HDAC9: variants seen among roughly 807,000 people sequenced by gnomAD.
HDAC9 encodes MEF-2 interacting transcription repressor (MITR) protein.
A neutral mutation model predicts 139.4 loss-of-function variants in HDAC9; 41 were observed. The observed-to-expected ratio is 0.29, with a 90% CI of 0.23 to 0.38. The LOEUF (loss-of-function observed/expected upper bound fraction) is 0.38, where lower values mean the gene tolerates loss of function less well. Among genes scored for constraint, HDAC9 ranks in the 10% least tolerant of loss-of-function variants. HDAC9 has a pLI of 1.00. For missense variants in HDAC9, 1,147 were observed against 1,297.0 expected (o/e 0.88, Z 1.78); for synonymous variants, 517 against 476.2 (o/e 1.09, Z -1.12).
chr7:18,367,671 A>G (rs1047981864), intron 1 of HDAC9, among the ~76,000 whole-genome samples: 1 of 152,056 alleles, frequency 6.6e-6, no homozygotes, highest in African/African-American at 2.4e-5. Context: ...TTTCTGGTAC[A>G]TGTATGGGTA....
intron 21 of HDAC9, among the ~76,000 whole-genome samples, chr7:18,848,781 A>G (rs1797077939): frequency 6.6e-6 from 1 of 152,184 alleles, no homozygotes; most frequent in South Asian, 2.1e-4. Context: ...AGTATCTTCC[A>G]AACCATATTT....
At chr7:18,980,824 T>C (rs2526638) in intron 25 of HDAC9, among the ~76,000 whole-genome samples, 87,837 of 147,816 alleles carry the variant, frequency 0.59, 26,692 homozygotes, top group East Asian at 0.8. Flanking sequence ...TCCGTCTCCT[T>C]CTTCTTCTTT....
intron 6 of HDAC9, among the ~76,000 whole-genome samples, chr7:18,626,821 C>G (rs1841846023): frequency 6.6e-6 from 1 of 152,102 alleles, no homozygotes; most frequent in Non-Finnish European, 1.5e-5. Flanking sequence ...TAGGTTTCAT[C>G]TAGAATGTTT....
chr7:18,771,729 A>G (rs1278186288), intron 16 of HDAC9, among the ~76,000 whole-genome samples: 1 of 152,108 alleles, frequency 6.6e-6, no homozygotes, highest in Non-Finnish European at 1.5e-5. Context: ...GGCAAGCCCT[A>G]CAAAGAGCTG....
chr7:18,277,822 A>C (rs1796846184), intron 2 of HDAC9, among the ~76,000 whole-genome samples: 1 of 152,238 alleles, frequency 6.6e-6, no homozygotes, highest in Non-Finnish European at 1.5e-5. Context: ...AATGCTTTGT[A>C]GTTATAGGTA....
chr7:18,813,105 T>C (rs565804060), intron 17 of HDAC9, among the ~76,000 whole-genome samples: 1 of 152,096 alleles, frequency 6.6e-6, no homozygotes, highest in East Asian at 1.9e-4. Flanking sequence ...TTTTGTCTTA[T>C]ACTTCTGAGT....
At chr7:18,653,968 C>T (rs1215999690) in intron 11 of HDAC9, among the ~76,000 whole-genome samples, 3 of 152,104 alleles carry the variant, frequency 2.0e-5, no homozygotes, top group African/African-American at 7.2e-5. Flanking sequence ...TGGTCACATA[C>T]AAACATAGCA....
Position 18,885,534 on chromosome 7 carries a change from TA to T in HDAC9, c.2803+10942del, listed in dbSNP as rs773485720. Among the ~76,000 whole-genome samples, 15 of 152,300 alleles carry T rather than the reference TA, an allele frequency of 9.8e-5. No individual in the cohort carries two copies. In the East Asian group the frequency reaches 2.1e-3, roughly 22 times the overall value. On this transcript the variant is annotated intron_variant, in intron 22 of 25. Transcript: ENST00000686413. ...TTACAACCGTTTATATTTCTAATTTTAAAAGTAACAGAAAAATTAAGTAACT... is the reference window on the plus strand; with the variant it reads ...TTACAACCGTTTATATTTCTAATTTTAAAGTAACAGAAAAATTAAGTAACT...
rs1035921841 is a variant in HDAC9, at chr7:18,317,083, G to A, written c.-42+26568G>A. On this transcript the variant is annotated intron_variant, in intron 1 of 3. Transcript: ENST00000413509. ...CATTCTAGCCTGGGCGACAGAGTCAGACTCTGTCTCAAAATAAATAAATAA... is the reference window on the plus strand; with the variant it reads ...CATTCTAGCCTGGGCGACAGAGTCAAACTCTGTCTCAAAATAAATAAATAA... 4.2e-5 allele frequency among the ~76,000 whole-genome samples: 6 copies of A among 142,978 alleles called. No individual in the cohort carries two copies. In the Admixed American group the frequency reaches 4.4e-4, roughly 10 times the overall value. 93.8% of individuals were successfully genotyped at this position (142,978 alleles called of 152,430 possible).
intron 1 of HDAC9, among the ~76,000 whole-genome samples, chr7:18,300,732 A>G (rs1439396323): frequency 6.6e-6 from 1 of 152,208 alleles, no homozygotes; most frequent in African/African-American, 2.4e-5. Flanking sequence ...GACCGGTTAT[A>G]TTAAAACTAG....
Position 18,906,420 on chromosome 7 carries a change from C to G in HDAC9, c.2804-29389C>G, listed in dbSNP as rs1802270039. Among the ~76,000 whole-genome samples, 9 of 152,226 alleles carry G rather than the reference C, an allele frequency of 5.9e-5. No homozygotes were observed. In the South Asian group the frequency reaches 1.9e-3, roughly 31 times the overall value. ...TCGGCCTCCCAAAGTGCTGGGATTA[C>G]AGACGTGAGCCATGTTGCCAAATGT... is the stretch of plus-strand genomic sequence containing the variant. On this transcript the variant is annotated intron_variant, in intron 22 of 25. Transcript: ENST00000686413.
chr7:18,673,610 G>A (rs895565359), intron 12 of HDAC9, among the ~76,000 whole-genome samples: 5 of 151,954 alleles, frequency 3.3e-5, no homozygotes, highest in Non-Finnish European at 7.4e-5. Flanking sequence ...TATTCGAAAA[G>A]AATATACATG....
chr7:18,145,267 T>C (rs931847862), intron 1 of HDAC9, among the ~76,000 whole-genome samples: 2 of 152,226 alleles, frequency 1.3e-5, no homozygotes, highest in Non-Finnish European at 2.9e-5. Flanking sequence ...TATAGTCTGA[T>C]GTAGGCAAGC....
At chr7:18,735,398 G>T (rs930406609) in intron 13 of HDAC9, among the ~76,000 whole-genome samples, 9 of 152,056 alleles carry the variant, frequency 5.9e-5, no homozygotes, top group African/African-American at 2.2e-4. Context: ...AATCCATCCT[G>T]AGTTAATTTT....
At chr7:18,092,792 G>A (rs1782252971) in intron 1 of HDAC9, among the ~76,000 whole-genome samples, 1 of 152,152 alleles carries the variant, frequency 6.6e-6, no homozygotes, top group East Asian at 1.9e-4. Flanking sequence ...CCAGGATTTA[G>A]GAGAATAATG....
rs1318015309 is a variant in HDAC9 at position 18,581,912 on chromosome 7, T to C, written c.23-3369T>C. Among the ~76,000 whole-genome samples, 3 of 152,210 alleles carry C rather than the reference T, an allele frequency of 2.0e-5. No individual in the cohort carries two copies. The East Asian group carries it at 5.8e-4, about 29-fold the overall frequency. On this transcript the variant is annotated intron_variant, in intron 2 of 25. Coordinates refer to ENST00000686413, the MANE Select transcript of HDAC9 (RefSeq NM_178425.4). Reference sequence around the variant, plus strand: ...GAAGTCAATGTCCACCAAACTATAGTTCATTTATAAATTATTTTCCCATTT... The same window carrying C: ...GAAGTCAATGTCCACCAAACTATAGCTCATTTATAAATTATTTTCCCATTT...
chr7:18,568,738 A>T (rs1394055437), intron 2 of HDAC9, among the ~76,000 whole-genome samples: 6 of 152,194 alleles, frequency 3.9e-5, no homozygotes, highest in Non-Finnish European at 5.9e-5. Context: ...TGTCACAGGG[A>T]CATCCCACCA....
At chr7:18,229,726 T>C (rs1008215872) in intron 2 of HDAC9, among the ~76,000 whole-genome samples, 1 of 152,170 alleles carries the variant, frequency 6.6e-6, no homozygotes, top group African/African-American at 2.4e-5. Flanking sequence ...TACTTATTCC[T>C]GAGAGCTGCT....
chr7:18,518,559 C>G (rs1803964083), intron 2 of HDAC9, among the ~76,000 whole-genome samples: 6 of 152,114 alleles, frequency 3.9e-5, no homozygotes. Context: ...TTTAGACTAC[C>G]TAAAGACTTA....
Sources: allele counts gnomAD v4.1 joint callset (sites outside exome capture counted in the v4.1 genomes callset), GRCh38; gene constraint gnomAD v4.1.1; transcripts MANE v1.5; gene names NCBI Gene and HGNC (gene_info 2026-07-23, HGNC 2026-07-21).